Variants in CLEC7A observed in about 807,000 individuals in gnomAD.
CLEC7A encodes C-type lectin domain family 7 member A.
CLEC7A carries 25 observed loss-of-function variants against 26.9 expected under a neutral mutation model. The ratio of observed to expected loss-of-function variants is 0.93; its 90% CI spans 0.68 to 1.30. CLEC7A has a LOEUF of 1.30. Among genes scored for constraint, CLEC7A ranks in the 50% most tolerant of loss-of-function variants. The pLI, the probability that CLEC7A is intolerant of heterozygous loss-of-function variation, is 0.00. For missense variants in CLEC7A, 275 were observed against 286.7 expected (o/e 0.96, Z 0.29); for synonymous variants, 100 against 99.5 (o/e 1.01, Z -0.03).
At chr12:10,123,885 T>C (rs762243946) in intron 4 of CLEC7A, among the ~76,000 whole-genome samples, 5 of 152,206 alleles carry the variant, frequency 3.3e-5, no homozygotes, top group Non-Finnish European at 5.9e-5. Context: ...TAATTATCAT[T>C]TAATTTTCCA....
chr12:10,119,768 T>C (rs1016202597), intron 5 of CLEC7A, among the ~76,000 whole-genome samples: 1 of 151,366 alleles, frequency 6.6e-6, no homozygotes, highest in Non-Finnish European at 1.5e-5. Context: ...GATTTTAAGA[T>C]AAAATGTTAA....
At chr12:10,121,331 A>AG (rs995429459) in intron 5 of CLEC7A, among the ~76,000 whole-genome samples, 4 of 152,118 alleles carry the variant, frequency 2.6e-5, no homozygotes, top group Admixed American at 6.5e-5. Flanking sequence ...GAGGAAAGAA[A>AG]GGGGAAAAAA....
At chr12:10,120,931 C>G (rs571102750) in intron 5 of CLEC7A, among the ~76,000 whole-genome samples, 94 of 151,408 alleles carry the variant, frequency 6.2e-4, no homozygotes, top group Middle Eastern at 3.4e-3. Flanking sequence ...TGACGCATAG[C>G]TGTAGTCCCA....
rs1455988539 is a variant in CLEC7A at position 10,130,138 on chromosome 12, C to T, written c.-56G>A. ...ATTTGGGAGCTCTTTTCTTTCTGCTCCTGAGATGACTGTCTGTGGACAAAA... is the reference window on the plus strand; with the variant it reads ...ATTTGGGAGCTCTTTTCTTTCTGCTTCTGAGATGACTGTCTGTGGACAAAA... On this transcript the variant is annotated 5_prime_UTR_variant, in exon 1 of 6. Coordinates refer to ENST00000304084, the MANE Select transcript of CLEC7A (RefSeq NM_197947.3). 1 of 804,036 alleles carries T rather than the reference C, an allele frequency of 1.2e-6. No homozygotes were observed. Among genetic ancestry groups the T allele is most frequent in the Non-Finnish European group, 2.1e-6 (1 of 471,890 alleles). The allele number at this position is 804,036 out of a possible 1,614,324, so 49.8% of individuals were successfully genotyped here. A position where few individuals can be genotyped will look rare whatever the true frequency, so the allele number is the denominator to read the frequency against.
At chr12:10,126,333 T>A in intron 3 of CLEC7A, 1 of 983,168 alleles carries the variant, frequency 1.0e-6, no homozygotes, top group Non-Finnish European at 1.2e-6. Context: ...GTTACTGATT[T>A]TAAAAATTAA....
chr12:10,125,130 G>T, intron 4 of CLEC7A, 167 bp downstream of exon 4: 1 of 706,498 alleles, frequency 1.4e-6, no homozygotes, highest in Non-Finnish European at 2.5e-6. Flanking sequence ...AGCCTGGGAT[G>T]TCGCGGCTTC....
At chr12:10,120,945 A>T (rs1948066969) in intron 5 of CLEC7A, among the ~76,000 whole-genome samples, 1 of 150,892 alleles carries the variant, frequency 6.6e-6, no homozygotes, top group African/African-American at 2.4e-5. Context: ...AGTCCCAGCT[A>T]CTCAGGAGGC....
chr12:10,127,485 G>A (rs764857148), intron 2 of CLEC7A: 220 of 1,593,264 alleles, frequency 1.4e-4, no homozygotes, highest in Non-Finnish European at 1.8e-4. Flanking sequence ...AAGAGTATGA[G>A]TTTTTTAGAC....
chr12:10,126,745 A>C (rs1240193653), intron 2 of CLEC7A, 37 bp from the exon 3 acceptor site: 1 of 1,535,368 alleles, frequency 6.5e-7, no homozygotes, highest in Admixed American at 1.9e-5. Context: ...GACAGAAAAA[A>C]TGTCATTCTG....
intron 5 of CLEC7A, among the ~76,000 whole-genome samples, chr12:10,121,439 C>T (rs1948083058): frequency 6.6e-6 from 1 of 152,076 alleles, no homozygotes; most frequent in African/African-American, 2.4e-5. Context: ...CGGAAGATTT[C>T]AACACAATTC....
In CLEC7A at chr12:10,125,450, T is replaced by C. The variant is rs773988936; in HGVS notation, c.341-2A>G. 6.8e-6 allele frequency: 11 copies of C among 1,609,048 alleles called. No homozygotes were observed. The highest frequency in any genetic ancestry group is 1.7e-5 in the Admixed American group (1 of 59,518). ...GAGGACAAGGGCTGGAAAGAACCCC[T>C]GGAAATAAAAGATTAGTACCATGAG... On this transcript the variant is annotated splice_acceptor_variant, in intron 3 of 5. Transcript: ENST00000304084. LOFTEE classifies it high-confidence loss of function.
chr12:10,122,484 CTTTTTTTTTTTT>C (rs143612827), intron 5 of CLEC7A, among the ~76,000 whole-genome samples: 2 of 128,844 alleles, frequency 1.6e-5, no homozygotes, highest in African/African-American at 6.3e-5. Context: ...TTCTTTTTTT[CTTTTTTTTTTTT>C]TTTTTTTTTG....
At chr12:10,126,515 A>G in intron 3 of CLEC7A, 56 bp downstream of exon 3, 2 of 1,539,388 alleles carry the variant, frequency 1.3e-6, no homozygotes, top group East Asian at 2.3e-5. Context: ...CCCAGGCTTC[A>G]GCACCAAGAA....
intron 3 of CLEC7A, chr12:10,126,181 T>G (rs1407194940): frequency 1.0e-6 from 1 of 984,574 alleles, no homozygotes; most frequent in Non-Finnish European, 1.2e-6. Context: ...CCTGTCATTC[T>G]TCCTTTCTAA....
chr12:10,118,434 C>G lies in CLEC7A; in HGVS notation c.*24G>C, dbSNP rs1169197667. 8.2e-6 allele frequency: 13 copies of G among 1,593,312 alleles called. No individual in the cohort carries two copies. Among genetic ancestry groups the G allele is most frequent in the East Asian group, 6.7e-5 (3 of 44,712 alleles). On this transcript the variant is annotated 3_prime_UTR_variant, in exon 6 of 6. Transcript: ENST00000304084. ...GTCCTCCTTACTACCTCACATATTT[C>G]TCTCTCCTTCTCCACCCTTCCTCTT...
chr12:10,120,357 AAAC>A (rs1257628086), intron 5 of CLEC7A, among the ~76,000 whole-genome samples: 2 of 152,222 alleles, frequency 1.3e-5, no homozygotes, highest in Non-Finnish European at 2.9e-5. Flanking sequence ...GACCTCTCAA[AAAC>A]AACAGTAAAA....
chr12:10,125,682 A>G (rs949303129), intron 3 of CLEC7A, among the ~76,000 whole-genome samples: 1 of 152,230 alleles, frequency 6.6e-6, no homozygotes, highest in African/African-American at 2.4e-5. Flanking sequence ...TAGGCAGCCA[A>G]CCATCCTTTT....
chr12:10,128,104 G>A (rs1309541320), intron 1 of CLEC7A, among the ~76,000 whole-genome samples: 2 of 151,532 alleles, frequency 1.3e-5, no homozygotes, highest in South Asian at 2.1e-4. Flanking sequence ...TGGGCATTGT[G>A]GTGAGCTCCC....
At chr12:10,120,607 T>TA (rs1021677794) in intron 5 of CLEC7A, among the ~76,000 whole-genome samples, 1 of 151,538 alleles carries the variant, frequency 6.6e-6, no homozygotes, top group African/African-American at 2.4e-5. Flanking sequence ...TTTTTTTTTT[T>TA]TGTAGAGATG....
Sources: gnomAD v4.1 joint callset for allele counts (sites outside exome capture counted in the v4.1 genomes callset) on GRCh38, gnomAD v4.1.1 for gene constraint, MANE v1.5 for transcripts, NCBI Gene and HGNC (gene_info 2026-07-23, HGNC 2026-07-21) for gene names.